Variants in HPSE2 observed in about 807,000 individuals in gnomAD.
HPSE2 encodes the protein heparanase 2 (inactive), also known as inactive heparanase-2.
HPSE2 carries 38 observed loss-of-function variants against 60.5 expected under a neutral mutation model. The ratio of observed to expected loss-of-function variants is 0.63; its 90% CI spans 0.48 to 0.82. The LOEUF is 0.82. Ranked by LOEUF, HPSE2 falls within the 40% of genes least tolerant of loss-of-function variation. The probability of loss-of-function intolerance (pLI) is 0.00; values close to 1 mark genes in which losing one functional copy is unlikely to be tolerated. For synonymous variants in HPSE2, 295 were observed against 293.2 expected, an observed-to-expected ratio of 1.01 and a Z score of -0.06; for missense variants, 713 against 740.4, an observed-to-expected ratio of 0.96 and a Z score of 0.43.
intron 6 of HPSE2, among the ~76,000 whole-genome samples, chr10:98,687,297 A>G (rs1947942486): frequency 6.6e-6 from 1 of 152,194 alleles, no homozygotes; most frequent in South Asian, 2.1e-4. Context: ...TCTGGCTTCT[A>G]TGGGATACCT....
intron 3 of HPSE2, among the ~76,000 whole-genome samples, chr10:99,036,301 C>A (rs1307074212): frequency 6.6e-6 from 1 of 151,958 alleles, no homozygotes; most frequent in Non-Finnish European, 1.5e-5. Flanking sequence ...ATAGTTAATT[C>A]CAAGGAAATC....
chr10:98,779,973 G>T (rs1022348833), intron 3 of HPSE2, among the ~76,000 whole-genome samples: 1 of 152,054 alleles, frequency 6.6e-6, no homozygotes, highest in Non-Finnish European at 1.5e-5. Context: ...AAGCACGGGG[G>T]TCTCTCATAA....
intron 9 of HPSE2, among the ~76,000 whole-genome samples, chr10:98,562,355 A>G (rs917429674): frequency 1.5e-4 from 23 of 152,172 alleles, no homozygotes; most frequent in Non-Finnish European, 2.9e-5. Flanking sequence ...ACTCTACTCA[A>G]TCCTGTTGGA....
intron 9 of HPSE2, among the ~76,000 whole-genome samples, chr10:98,603,675 A>G (rs889222228): frequency 6.6e-6 from 1 of 152,024 alleles, no homozygotes; most frequent in South Asian, 2.1e-4. Flanking sequence ...TGATCTGCCC[A>G]CCTTGGCCTC....
intron 3 of HPSE2, among the ~76,000 whole-genome samples, chr10:99,053,412 A>G (rs1295154032): frequency 6.6e-6 from 1 of 152,138 alleles, no homozygotes; most frequent in Non-Finnish European, 1.5e-5. Context: ...ATTAAAATAA[A>G]ACATTTAAAG....
chr10:98,620,253 C>T (rs1484676964), intron 8 of HPSE2, among the ~76,000 whole-genome samples: 1 of 152,088 alleles, frequency 6.6e-6, no homozygotes, highest in African/African-American at 2.4e-5. Flanking sequence ...AAAACCATGC[C>T]TTATTGTTAC....
chr10:98,598,123 G>A (rs1211751025), intron 9 of HPSE2, among the ~76,000 whole-genome samples: 1 of 150,214 alleles, frequency 6.7e-6, no homozygotes, highest in African/African-American at 2.5e-5. Context: ...TGTTCTTTTG[G>A]TGGTATGTCA....
chr10:98,927,781 C>A (rs1954518748), intron 3 of HPSE2, among the ~76,000 whole-genome samples: 1 of 146,548 alleles, frequency 6.8e-6, no homozygotes, highest in African/African-American at 2.6e-5. Flanking sequence ...AACTGGCTAG[C>A]CATATGTAGA....
Position 98,514,480 on chromosome 10 carries a change from A to G in HPSE2, c.1321-24284T>C, listed in dbSNP as rs74156625. 9.0e-3 allele frequency among the ~76,000 whole-genome samples: 1,375 copies of G among 152,292 alleles called. 26 individuals are homozygous for G. Among genetic ancestry groups the G allele is most frequent in the African/African-American group, 0.028 (1,159 of 41,552 alleles). ...AAAGAAAAAAGGAATGAATTTCTGG[A>G]GATAAACTTTCTTGAGAGTAACTTG... On this transcript the variant is annotated intron_variant, in intron 9 of 11. Coordinates refer to ENST00000370552, the MANE Select transcript of HPSE2 (RefSeq NM_021828.5).
At chr10:99,210,603 T>C (rs2133907409) in intron 2 of HPSE2, among the ~76,000 whole-genome samples, 1 of 152,308 alleles carries the variant, frequency 6.6e-6, no homozygotes, top group African/African-American at 2.4e-5. Context: ...CAGGGATACA[T>C]GGATGATTCA....
intron 2 of HPSE2, 109 bp downstream of exon 2, chr10:99,232,239 A>G (rs1280891929): frequency 3.1e-6 from 4 of 1,309,888 alleles, no homozygotes; most frequent in Middle Eastern, 2.1e-4. Context: ...ACACACACAC[A>G]CACACACACA....
chr10:99,078,154 G>A (rs984578762), intron 3 of HPSE2, among the ~76,000 whole-genome samples: 12 of 152,106 alleles, frequency 7.9e-5, no homozygotes, highest in African/African-American at 2.7e-4. Flanking sequence ...AAAACCATGA[G>A]CCAAAATAAA....
intron 9 of HPSE2, among the ~76,000 whole-genome samples, chr10:98,576,651 G>A (rs975728394): frequency 7.2e-5 from 11 of 151,808 alleles, no homozygotes; most frequent in African/African-American, 2.4e-4. Context: ...CCCTCCTCAG[G>A]TCTACCTCAT....
intron 3 of HPSE2, among the ~76,000 whole-genome samples, chr10:98,855,870 C>T (rs760815117): frequency 5.3e-5 from 8 of 151,988 alleles, no homozygotes; most frequent in Non-Finnish European, 8.8e-5. Flanking sequence ...TGTAGACTCA[C>T]AAGGAATGCC....
At chr10:98,878,606 T>C (rs1424401194) in intron 3 of HPSE2, among the ~76,000 whole-genome samples, 2 of 151,834 alleles carry the variant, frequency 1.3e-5, no homozygotes, top group Non-Finnish European at 2.9e-5. Flanking sequence ...AGAATGAAAA[T>C]AGGAGTTTGT....
chr10:98,909,334 G>GTT (rs781551587), intron 3 of HPSE2, among the ~76,000 whole-genome samples: 10 of 141,874 alleles, frequency 7.0e-5, no homozygotes, highest in Non-Finnish European at 7.8e-5. Context: ...ATTCAAAAAA[G>GTT]TTTTTTTTTT....
chr10:99,285,934 T>A, the HPSE2 span, among the ~76,000 whole-genome samples: 1 of 151,976 alleles, frequency 6.6e-6, no homozygotes, highest in Non-Finnish European at 1.5e-5. Context: ...CAAAATTATA[T>A]ATATATACAC....
chr10:99,247,326 A>G, the HPSE2 span, among the ~76,000 whole-genome samples: 1 of 152,280 alleles, frequency 6.6e-6, no homozygotes, highest in African/African-American at 2.4e-5. Context: ...TGCAACATGA[A>G]AAGAATTAGT....
At chr10:99,123,864 C>G (rs1845059466) in intron 3 of HPSE2, among the ~76,000 whole-genome samples, 1 of 152,076 alleles carries the variant, frequency 6.6e-6, no homozygotes, top group Non-Finnish European at 1.5e-5. Context: ...CTCATATCCA[C>G]AGGCAGGTCG....
Sources: gnomAD v4.1 joint callset for allele counts (sites outside exome capture counted in the v4.1 genomes callset) on GRCh38, gnomAD v4.1.1 for gene constraint, MANE v1.5 for transcripts, NCBI Gene and HGNC (gene_info 2026-07-23, HGNC 2026-07-21) for gene names.